Variants in TMEM132C observed in about 807,000 individuals in gnomAD.
TMEM132C encodes the protein protein phosphatase 1, regulatory subunit 152.
In TMEM132C, 29 loss-of-function variants were observed where a neutral mutation model predicts 61.4. That is an observed-to-expected ratio of 0.47 (90% CI 0.35 to 0.64). The LOEUF is 0.64. Ranked by LOEUF, TMEM132C falls within the 30% of genes least tolerant of loss-of-function variation. The pLI, the probability that TMEM132C is intolerant of heterozygous loss-of-function variation, is 0.00. For synonymous variants in TMEM132C, 656 were observed against 633.1 expected (o/e 1.04, Z -0.54); for missense variants, 1,408 against 1,476.9 (o/e 0.95, Z 0.76).
At chr12:128,604,406 A>AAGATAGATAGAT (rs199758796) in intron 3 of TMEM132C, among the ~76,000 whole-genome samples, 6,612 of 144,470 alleles carry the variant, frequency 0.046, 155 homozygotes, top group Middle Eastern at 0.06. Context: ...TAATGGATGG[A>AAGATAGATAGAT]AGATAGATAG....
intron 1 of TMEM132C, among the ~76,000 whole-genome samples, chr12:128,335,228 G>A (rs985542180): frequency 2.0e-5 from 3 of 152,166 alleles, no homozygotes; most frequent in East Asian, 1.9e-4. Flanking sequence ...ATAATATTGC[G>A]ATAGGGGATA....
rs960494447 is a variant in TMEM132C at position 128,278,942 on chromosome 12, C to T, written c.85+11455C>T. Among the ~76,000 whole-genome samples, 25 of 152,122 alleles carry T rather than the reference C, an allele frequency of 1.6e-4. No homozygotes were observed. The highest frequency in any genetic ancestry group is 3.1e-4 in the Non-Finnish European group (21 of 68,020). Reference sequence around the variant, plus strand: ...ATTCTGCCAGTCGACAGCATTTGGACGTGAACTGCAACATTAGGTCTTCCT... The same window carrying T: ...ATTCTGCCAGTCGACAGCATTTGGATGTGAACTGCAACATTAGGTCTTCCT... On this transcript the variant is annotated intron_variant, in intron 1 of 8. Transcript: ENST00000435159. The surrounding 1 kb of genome is among the most constrained non-coding windows in gnomAD (Gnocchi z 4.2).
chr12:128,443,903 C>T (rs1391826378), intron 2 of TMEM132C, among the ~76,000 whole-genome samples: 2 of 152,192 alleles, frequency 1.3e-5, no homozygotes, highest in East Asian at 3.9e-4. Context: ...CCCTGTTCCC[C>T]TTTCTTCAAG....
chr12:128,489,134 T>C (rs920445966), intron 2 of TMEM132C, among the ~76,000 whole-genome samples: 1 of 152,118 alleles, frequency 6.6e-6, no homozygotes, highest in African/African-American at 2.4e-5. Flanking sequence ...TCTCCGTTCC[T>C]TCTCCTCCAC....
intron 3 of TMEM132C, among the ~76,000 whole-genome samples, chr12:128,578,984 G>T (rs1193525517): frequency 6.6e-6 from 1 of 152,150 alleles, no homozygotes; most frequent in African/African-American, 2.4e-5. Context: ...GACTAGGGGA[G>T]TTTTATTTTT....
chr12:128,319,345 T>C (rs1406671542), intron 1 of TMEM132C, among the ~76,000 whole-genome samples: 1 of 150,076 alleles, frequency 6.7e-6, no homozygotes, highest in Non-Finnish European at 1.5e-5. Context: ...CACTCAAGAT[T>C]TGCAGTCCCG....
intron 4 of TMEM132C, among the ~76,000 whole-genome samples, chr12:128,626,658 T>G (rs1954020742): frequency 6.6e-6 from 1 of 152,020 alleles, no homozygotes; most frequent in Admixed American, 6.5e-5. Context: ...TTGGCCAGGC[T>G]GGTCTCAGAT....
At position 128,339,386 on chromosome 12, in the gene TMEM132C, C is replaced by T. The variant is rs569363816; in HGVS notation, c.85+71899C>T. ...GTTTATCCAGAGGAGTCAGGAAGTT[C>T]AGAGAAAGGAGGGTGTCTGCCGATT... On this transcript the variant is annotated intron_variant, in intron 1 of 8. Transcript: ENST00000435159. Among the ~76,000 whole-genome samples the T allele has an allele frequency of 3.3e-5, 5 of 152,110 alleles. No individual in the cohort carries two copies. In the South Asian group the frequency reaches 1.0e-3, roughly 32 times the overall value.
intron 1 of TMEM132C, chr12:128,404,640 C>T (rs1044104917): frequency 1.1e-4 from 16 of 149,876 alleles, no homozygotes; most frequent in Non-Finnish European, 2.1e-4. Flanking sequence ...CATTCAACCT[C>T]CTCAGGCCCT....
At chr12:128,509,044 G>T (rs576936469) in intron 2 of TMEM132C, among the ~76,000 whole-genome samples, 1 of 152,160 alleles carries the variant, frequency 6.6e-6, no homozygotes, top group Non-Finnish European at 1.5e-5. Context: ...AGATGTTATT[G>T]GGGTGAACGA....
At chr12:128,387,335 C>T (rs1242970503) in intron 1 of TMEM132C, among the ~76,000 whole-genome samples, 2 of 152,098 alleles carry the variant, frequency 1.3e-5, no homozygotes, top group Non-Finnish European at 2.9e-5. Context: ...GGGGCTTCTG[C>T]ACCAGGAGGT....
rs1186385151 is a variant in TMEM132C, at chr12:128,299,611, C to A, written c.85+32124C>A. Among the ~76,000 whole-genome samples, 6 of 152,282 alleles carry A rather than the reference C, an allele frequency of 3.9e-5. No individual in the cohort carries two copies. The East Asian group carries it at 9.6e-4, about 24-fold the overall frequency. On this transcript the variant is annotated intron_variant, in intron 1 of 8. Transcript: ENST00000435159. ...TTCCTCTCAAGCAATGGGAGAAAAT[C>A]AAATTTGAAATTTGAAAACAATTCC...
intron 2 of TMEM132C, among the ~76,000 whole-genome samples, chr12:128,487,319 A>C (rs973857466): frequency 1.3e-5 from 2 of 151,970 alleles, no homozygotes; most frequent in African/African-American, 2.4e-5. Context: ...TCCCCGACCA[A>C]CTTCACTATG....
intron 2 of TMEM132C, among the ~76,000 whole-genome samples, chr12:128,530,629 G>A (rs990768849): frequency 1.3e-5 from 2 of 152,068 alleles, no homozygotes; most frequent in African/African-American, 4.8e-5. Flanking sequence ...TTTTTTTGAA[G>A]AGATGAGGTT....
intron 5 of TMEM132C, among the ~76,000 whole-genome samples, chr12:128,692,580 T>G (rs1180412743): frequency 6.6e-6 from 1 of 152,202 alleles, no homozygotes; most frequent in Non-Finnish European, 1.5e-5. Flanking sequence ...ATTTAACTAT[T>G]GCCAAGGCCT....
chr12:128,367,114 G>A (rs1330326257), intron 1 of TMEM132C, among the ~76,000 whole-genome samples: 1 of 152,210 alleles, frequency 6.6e-6, no homozygotes, highest in African/African-American at 2.4e-5. Flanking sequence ...AGGCCCTGAG[G>A]TAGGTGAAAA....
chr12:128,619,599 G>A (rs953707376), intron 4 of TMEM132C, among the ~76,000 whole-genome samples: 4 of 152,206 alleles, frequency 2.6e-5, no homozygotes, highest in Non-Finnish European at 5.9e-5. Context: ...GGGCAGGAAA[G>A]CTCCAAGTCT....
At chr12:128,274,394 C>G (rs751666480) in intron 1 of TMEM132C, among the ~76,000 whole-genome samples, 1 of 152,098 alleles carries the variant, frequency 6.6e-6, no homozygotes, top group Non-Finnish European at 1.5e-5. Context: ...CACTTATGGA[C>G]TAATTAGGAA....
At chr12:128,459,884 C>CAAAAAAA (rs71069569) in intron 2 of TMEM132C, among the ~76,000 whole-genome samples, 1 of 82,184 alleles carries the variant, frequency 1.2e-5, no homozygotes, top group Non-Finnish European at 2.2e-5. Flanking sequence ...GACTCTGTCT[C>CAAAAAAA]AAAAAAAAAA....
Sources: allele counts gnomAD v4.1 joint callset (sites outside exome capture counted in the v4.1 genomes callset), GRCh38; gene constraint gnomAD v4.1.1; non-coding constraint Gnocchi (gnomAD v3.1); transcripts MANE v1.5; gene names NCBI Gene and HGNC (gene_info 2026-07-23, HGNC 2026-07-21).